The following FBP1 variants were observed in gnomAD, a reference collection of about 807,000 sequenced individuals.
FBP1 encodes the protein fructose-1,6-bisphosphatase 1.
A neutral mutation model predicts 29.9 loss-of-function variants in FBP1; 22 were observed. The ratio of observed to expected loss-of-function variants is 0.74; its 90% CI spans 0.53 to 1.05. FBP1 has a LOEUF of 1.05. Among genes scored for constraint, FBP1 ranks in the 50% least tolerant of loss-of-function variants. The pLI is 0.00. For missense variants in FBP1, 345 were observed against 448.2 expected (o/e 0.77, Z 2.08); for synonymous variants, 175 against 178.6 (o/e 0.98, Z 0.16).
At chr9:94,621,398 A>AAAAAAAATATATATAT (rs58726402) in intron 1 of FBP1, among the ~76,000 whole-genome samples, 7 of 146,154 alleles carry the variant, frequency 4.8e-5, no homozygotes, top group African/African-American at 1.8e-4. Flanking sequence ...TCCGTCTAAA[A>AAAAAAAATATATATAT]ATATATATAT....
chr9:94,615,039 G>A (rs1211116914), intron 3 of FBP1, among the ~76,000 whole-genome samples: 1 of 152,150 alleles, frequency 6.6e-6, no homozygotes, highest in East Asian at 1.9e-4. Context: ...CTCCCAGGTA[G>A]CTGGGACTAC....
rs111900136 is a variant in FBP1, at chr9:94,627,568, C to G, written c.171-7077G>C. 1.0e-3 allele frequency among the ~76,000 whole-genome samples: 157 copies of G among 152,264 alleles called. No homozygotes were observed. In the South Asian group the frequency reaches 0.012, roughly 11 times the overall value. On this transcript the variant is annotated intron_variant, in intron 1 of 6. Transcript: ENST00000375326. ...CCCTAGCGAATGCAGCGGCTGCCAT[C>G]CCCCGTCTGAAGTTCTAGGAAGACT...
At chr9:94,627,224 G>A (rs566018488) in intron 1 of FBP1, among the ~76,000 whole-genome samples, 7 of 149,678 alleles carry the variant, frequency 4.7e-5, no homozygotes, top group South Asian at 2.1e-4. Flanking sequence ...GCGTGGTGGC[G>A]GGCGCCTGTA....
chr9:94,606,032 TGC>T (rs1452120307), intron 5 of FBP1, among the ~76,000 whole-genome samples: 2 of 151,936 alleles, frequency 1.3e-5, no homozygotes, highest in Non-Finnish European at 2.9e-5. Flanking sequence ...GACTCGGGTG[TGC>T]GTGTGCGGAG....
chr9:94,639,300 T>G lies in FBP1; in HGVS notation c.11A>C (p.Gln4Pro). Residue 4 changes from glutamine to proline, a missense_variant, in exon 1 of 7, where the codon CAG (glutamine) becomes CCG (proline). Physicochemically the swap from Gln to Pro is moderately conservative, Grantham distance 76 (BLOSUM62 -1). Coordinates refer to ENST00000375326, the MANE Select transcript of FBP1 (RefSeq NM_000507.4). MAD[Q>P]APFDTDVNTL... ...GTTGACGTCCGTGTCGAAGGGCGCC[T>G]GGTCAGCCATGCTTGAACCGGGTAG... The G allele has an allele frequency of 1.2e-6, 2 of 1,607,052 alleles. No individual in the cohort carries two copies. Among genetic ancestry groups the G allele is most frequent in the Non-Finnish European group, 1.7e-6 (2 of 1,176,980 alleles).
At chr9:94,630,577 A>G (rs747385282) in intron 1 of FBP1, among the ~76,000 whole-genome samples, 10 of 152,168 alleles carry the variant, frequency 6.6e-5, no homozygotes, top group Non-Finnish European at 1.5e-4. Context: ...ATGGGAATGT[A>G]GTGTGTCTGC....
At position 94,603,514 on chromosome 9, in the gene FBP1, A is replaced by G. The variant is rs1300513931; in HGVS notation, c.884T>C (p.Met295Thr). 2 of 1,614,142 alleles carry G rather than the reference A, an allele frequency of 1.2e-6. No individual in the cohort carries two copies. The highest frequency in any genetic ancestry group is 2.2e-5 in the East Asian group (1 of 44,882). Residue 295 changes from methionine to threonine, a missense_variant, in exon 7 of 7, where the codon ATG becomes ACG. Coordinates refer to ENST00000375326, the MANE Select transcript of FBP1 (RefSeq NM_000507.4). ...CACGGCCTCCTTCCCAGTGGTGGCCATTCCCCCAGCCTTCTCCATGACGTA... is the reference window on the plus strand; with the variant it reads ...CACGGCCTCCTTCCCAGTGGTGGCCGTTCCCCCAGCCTTCTCCATGACGTA... ...MAYVMEKAGGMATTGKEAVLD... is the reference protein window; with the variant it reads ...MAYVMEKAGGTATTGKEAVLD...
At chr9:94,634,004 A>G (rs1828151968) in intron 1 of FBP1, among the ~76,000 whole-genome samples, 1 of 150,698 alleles carries the variant, frequency 6.6e-6, no homozygotes, top group African/African-American at 2.4e-5. Context: ...CCGCGAAAGC[A>G]TCTTTCAGAC....
Position 94,639,376 on chromosome 9 carries a change from G to C in FBP1, c.-66C>G. On this transcript the variant is annotated 5_prime_UTR_variant, in exon 1 of 7. Transcript: ENST00000375326. ...CAGGTGCGGGGCTGCAGGTGCGGGC[G>C]GCAAGAGAGGGCAGTAGGCACTGGC... 2 of 1,533,670 alleles carry C rather than the reference G, an allele frequency of 1.3e-6. No homozygotes were observed. Among genetic ancestry groups the C allele is most frequent in the Non-Finnish European group, 8.9e-7 (1 of 1,129,934 alleles).
chr9:94,607,340 G>A (rs1267177386), intron 4 of FBP1, among the ~76,000 whole-genome samples: 1 of 152,184 alleles, frequency 6.6e-6, no homozygotes, highest in Non-Finnish European at 1.5e-5. Context: ...AAAAGGGTTG[G>A]TTCAGGCGGG....
At chr9:94,638,129 A>G (rs909548847) in intron 1 of FBP1, among the ~76,000 whole-genome samples, 7 of 151,184 alleles carry the variant, frequency 4.6e-5, no homozygotes, top group African/African-American at 1.7e-4. Context: ...ATACCTGTGC[A>G]CACCAACACA....
chr9:94,606,137 G>A (rs565142830), intron 5 of FBP1, among the ~76,000 whole-genome samples: 4 of 152,250 alleles, frequency 2.6e-5, no homozygotes, highest in East Asian at 3.9e-4. Context: ...CTCCTTGAAC[G>A]TCCTGCAAAC....
At chr9:94,631,780 C>A (rs1828107782) in intron 1 of FBP1, among the ~76,000 whole-genome samples, 2 of 152,264 alleles carry the variant, frequency 1.3e-5, no homozygotes, top group South Asian at 4.1e-4. Flanking sequence ...TCACTAAAGT[C>A]AAAGGTAAGA....
At chr9:94,635,421 G>GTTTC (rs1295444309) in intron 1 of FBP1, among the ~76,000 whole-genome samples, 7 of 152,228 alleles carry the variant, frequency 4.6e-5, no homozygotes, top group African/African-American at 1.7e-4. Flanking sequence ...AACTCCTGAT[G>GTTTC]TTTCCATAAT....
chr9:94,617,825 T>C lies in FBP1; in HGVS notation c.369A>G (p.Gly123=). The part of the protein sequence containing the change: ...KYVVCFDPLD[G]SSNIDCLVSV... ...ACACAAGGCAATCGATGTTGGAAGA[T>C]CCATCAAGGGGATCAAAACAGACCA... Residue 123 remains glycine (G), a synonymous_variant, in exon 3 of 7, where the codon GGA becomes GGG. Coordinates refer to ENST00000375326, the MANE Select transcript of FBP1 (RefSeq NM_000507.4). 1 of 1,613,904 alleles carries C rather than the reference T, an allele frequency of 6.2e-7. No homozygotes were observed.
At chr9:94,604,928 G>T (rs1827674872) in intron 6 of FBP1, among the ~76,000 whole-genome samples, 1 of 152,206 alleles carries the variant, frequency 6.6e-6, no homozygotes, top group Non-Finnish European at 1.5e-5. Flanking sequence ...GGAACACCAT[G>T]GGCTTGGACT....
chr9:94,623,901 GTGACAGATGCTCGC>G (rs1460811923), intron 1 of FBP1, among the ~76,000 whole-genome samples: 4 of 152,202 alleles, frequency 2.6e-5, no homozygotes, highest in Non-Finnish European at 5.9e-5. Flanking sequence ...ATGTCAGATA[GTGACAGATGCTCGC>G]TGACATAAAA....
Position 94,606,872 on chromosome 9 carries a change from G to A in FBP1, c.648C>T (p.Tyr216=), listed in dbSNP as rs762137657. 21 of 1,613,806 alleles carry A rather than the reference G, an allele frequency of 1.3e-5. No homozygotes were observed. The highest frequency in any genetic ancestry group is 4.5e-5 in the East Asian group (2 of 44,892). ...TGACGGCAGGGTCAAAGTCCCTGGC[G>A]TAGCCCTCGTTAAGGCTGTAGATTT... The part of the protein sequence containing the change: ...KGKIYSLNEG[Y]ARDFDPAVTE... Residue 216 remains tyrosine (Y), a synonymous_variant, in exon 5 of 7, where the codon TAC becomes TAT. Transcript: ENST00000375326.
intron 1 of FBP1, among the ~76,000 whole-genome samples, chr9:94,626,034 C>G (rs1828022022): frequency 6.6e-6 from 1 of 152,218 alleles, no homozygotes; most frequent in African/African-American, 2.4e-5. Flanking sequence ...CATGACCCCG[C>G]TGGGTGGTGA....
Sources: gnomAD v4.1 joint callset for allele counts (sites outside exome capture counted in the v4.1 genomes callset) on GRCh38, gnomAD v4.1.1 for gene constraint, MANE v1.5 for transcripts, NCBI Gene and HGNC (gene_info 2026-07-23, HGNC 2026-07-21) for gene names.